The following KLHL13 variants were observed in gnomAD, a reference collection of about 807,000 sequenced individuals.
KLHL13 encodes kelch-like protein 13.
In KLHL13, 10 loss-of-function variants were observed where a neutral mutation model predicts 37.1. The ratio of observed to expected loss-of-function variants is 0.27; its 90% CI spans 0.17 to 0.46. The LOEUF is 0.46. KLHL13 is among the 20% of genes least tolerant of loss of function. The pLI is 1.00. For missense variants in KLHL13, 360 were observed against 509.3 expected (o/e 0.71, Z 2.82); for synonymous variants, 163 against 181.2 (o/e 0.90, Z 0.81).
intron 4 of KLHL13, 100 bp downstream of exon 5, chrX:117,919,421 T>C: frequency 1.5e-6 from 1 of 654,466 alleles, no homozygotes; most frequent in Non-Finnish European, 2.5e-6. Context: ...CACATCTGTC[T>C]AATGGCAAGT....
At chrX:118,087,694 C>T (rs1304678125) in intron 1 of KLHL13, among the ~76,000 whole-genome samples, 1 of 111,446 alleles carries the variant, frequency 9.0e-6, no homozygotes, top group Non-Finnish European at 1.9e-5. Context: ...ATCCAAATCT[C>T]TTTTATGGGA....
chrX:118,070,977 G>A (rs1334624592), intron 1 of KLHL13, among the ~76,000 whole-genome samples: 1 of 106,308 alleles, frequency 9.4e-6, no homozygotes, highest in African/African-American at 3.4e-5. Context: ...TCACTGTTCA[G>A]TTCCCACCTA....
intron 1 of KLHL13, among the ~76,000 whole-genome samples, chrX:117,990,800 A>G (rs1602630495): frequency 8.9e-6 from 1 of 112,052 alleles, no homozygotes; most frequent in East Asian, 2.8e-4. Context: ...TATTTGATTA[A>G]AGATCTATGA....
intron 1 of KLHL13, among the ~76,000 whole-genome samples, chrX:118,016,249 G>A (rs1256815183): frequency 9.0e-6 from 1 of 111,568 alleles, no homozygotes; most frequent in Non-Finnish European, 1.9e-5. Context: ...TTTTAAACAT[G>A]GAATGACCTG....
intron 1 of KLHL13, among the ~76,000 whole-genome samples, chrX:118,074,728 C>T (rs564384734): frequency 1.8e-5 from 2 of 111,691 alleles, no homozygotes; most frequent in South Asian, 7.5e-4. Flanking sequence ...CAATGCCACC[C>T]ACCCCCAAAC....
chrX:118,007,392 A>AAAAAGAG (rs1555984408), intron 1 of KLHL13, among the ~76,000 whole-genome samples: 42 of 103,972 alleles, frequency 4.0e-4, no homozygotes, highest in African/African-American at 1.6e-3. Context: ...AAAAAAAAAA[A>AAAAAGAG]AGAGAGAGAG....
At chrX:118,086,714 TAAAC>T (rs1196024812) in intron 1 of KLHL13, among the ~76,000 whole-genome samples, 1 of 111,637 alleles carries the variant, frequency 9.0e-6, no homozygotes, top group East Asian at 2.8e-4. Context: ...GCAAAGTAAA[TAAAC>T]AAAATGATAA....
At chrX:117,999,945 T>C (rs1182100691) in intron 1 of KLHL13, among the ~76,000 whole-genome samples, 1 of 111,848 alleles carries the variant, frequency 8.9e-6, no homozygotes, top group Non-Finnish European at 1.9e-5. Flanking sequence ...AGCTGTGTTG[T>C]TTTGATTCTA....
chrX:117,941,502 C>T (rs1208069733), intron 2 of KLHL13, among the ~76,000 whole-genome samples: 1 of 111,551 alleles, frequency 9.0e-6, no homozygotes, highest in African/African-American at 3.3e-5. Flanking sequence ...TAATTACTGC[C>T]TCAATTTCAG....
At chrX:117,905,505 GCACACACACACACA>G (rs34703680) in intron 5 of KLHL13, among the ~76,000 whole-genome samples, 1 of 103,259 alleles carries the variant, frequency 9.7e-6, no homozygotes, top group Non-Finnish European at 2.0e-5. Context: ...GCTAGTGCGT[GCACACACACACACA>G]CACACACACA....
At chrX:117,904,751 G>C (rs1395074524) in intron 5 of KLHL13, among the ~76,000 whole-genome samples, 1 of 111,529 alleles carries the variant, frequency 9.0e-6, no homozygotes, top group African/African-American at 3.3e-5. Context: ...CACTACAACA[G>C]CAGAGTTGAT....
chrX:117,898,901 G>A, exon 7 of KLHL13: 2 of 1,191,779 alleles, frequency 1.7e-6, no homozygotes, highest in Non-Finnish European at 2.3e-6. Flanking sequence ...TAGTTGTAGA[G>A]ATGATCTTAA....
intron 1 of KLHL13, among the ~76,000 whole-genome samples, chrX:118,045,542 G>A (rs752963297): frequency 9.0e-6 from 1 of 110,946 alleles, no homozygotes; most frequent in African/African-American, 3.3e-5. Flanking sequence ...GATGGTTCAC[G>A]CCTGTAATCC....
In KLHL13 at chrX:118,062,539, T is replaced by C. The variant is rs905676990; in HGVS notation, c.-56+53969A>G. Among the ~76,000 whole-genome samples, 3 of 110,789 alleles carry C rather than the reference T, an allele frequency of 2.7e-5. No homozygotes were observed. In the South Asian group the frequency reaches 1.1e-3, roughly 42 times the overall value. ...TTAGGCTACAGACATTAAAAAACTTTTTGTTTTAAAAAAAAAAGAAGTAGG... is the reference window on the plus strand; with the variant it reads ...TTAGGCTACAGACATTAAAAAACTTCTTGTTTTAAAAAAAAAAGAAGTAGG... On this transcript the variant is annotated intron_variant, in intron 1 of 6. Transcript: ENST00000371882.
At chrX:117,959,887 T>C (rs926926636) in intron 1 of KLHL13, among the ~76,000 whole-genome samples, 2 of 111,502 alleles carry the variant, frequency 1.8e-5, no homozygotes, top group Admixed American at 9.6e-5. Flanking sequence ...ACAGCTGCGG[T>C]GAGAGACTTA....
chrX:118,089,023 T>C (rs1380823428), intron 1 of KLHL13, among the ~76,000 whole-genome samples: 2 of 111,468 alleles, frequency 1.8e-5, no homozygotes, highest in Admixed American at 1.9e-4. Flanking sequence ...CTGCTCTCTC[T>C]AGCCAGAGGA....
intron 1 of KLHL13, among the ~76,000 whole-genome samples, chrX:118,007,441 T>C (rs1033041209): frequency 1.8e-5 from 2 of 108,218 alleles, no homozygotes; most frequent in Non-Finnish European, 3.8e-5. Context: ...TCAGCCAAAT[T>C]TGGACAAAGT....
chrX:117,936,997 T>C (rs193217604), intron 2 of KLHL13, among the ~76,000 whole-genome samples: 8 of 111,907 alleles, frequency 7.1e-5, no homozygotes, highest in African/African-American at 2.6e-4. Context: ...GAAACCCATG[T>C]CCTTCTCACT....
At chrX:117,971,161 C>T (rs143378479) in intron 1 of KLHL13, among the ~76,000 whole-genome samples, 1,563 of 111,372 alleles carry the variant, frequency 0.014, 27 homozygotes, top group African/African-American at 0.048. Context: ...CTCTAAAAAT[C>T]GACAAATCAG....
Sources: gnomAD v4.1 joint callset for allele counts (sites outside exome capture counted in the v4.1 genomes callset) on GRCh38, gnomAD v4.1.1 for gene constraint, MANE v1.5 for transcripts, NCBI Gene and HGNC (gene_info 2026-07-23, HGNC 2026-07-21) for gene names.